SHC4: variants seen among roughly 807,000 people sequenced by gnomAD.
The protein encoded by SHC4 is SHC adaptor protein 4.
A neutral mutation model predicts 69.4 loss-of-function variants in SHC4; 41 were observed. That is an observed-to-expected ratio of 0.59 (90% confidence interval 0.46 to 0.77). The LOEUF is 0.77. Ranked by LOEUF, SHC4 falls within the 30% of genes least tolerant of loss-of-function variation. The pLI, the probability that SHC4 is intolerant of heterozygous loss-of-function variation, is 0.00. For synonymous variants in SHC4, 318 were observed against 299.3 expected (o/e 1.06, Z -0.64); for missense variants, 777 against 783.8 (o/e 0.99, Z 0.10).
intron 1 of SHC4, chr15:48,946,691 C>T (rs1295935619): frequency 1.5e-5 from 10 of 645,846 alleles, no homozygotes; most frequent in Non-Finnish European, 1.5e-5. Context: ...CTCTGGGCAA[C>T]GCATTTGGAA....
chr15:48,939,554 C>A (rs1901137147), intron 1 of SHC4, among the ~76,000 whole-genome samples: 1 of 152,216 alleles, frequency 6.6e-6, no homozygotes, highest in Non-Finnish European at 1.5e-5. Context: ...AGGGCAGAAG[C>A]TGGTTCTCAT....
At chr15:48,916,310 CA>C (rs1900620880) in intron 2 of SHC4, among the ~76,000 whole-genome samples, 6 of 147,076 alleles carry the variant, frequency 4.1e-5, no homozygotes, top group Non-Finnish European at 7.5e-5. Context: ...CACACACACA[CA>C]CACACACCCA....
intron 10 of SHC4, among the ~76,000 whole-genome samples, chr15:48,840,267 T>G (rs574347073): frequency 6.6e-6 from 1 of 152,200 alleles, no homozygotes; most frequent in African/African-American, 2.4e-5. Flanking sequence ...GTATTTGTTA[T>G]GGCAACTGAG....
chr15:48,895,211 C>G (rs545377250), intron 2 of SHC4, among the ~76,000 whole-genome samples: 1 of 152,144 alleles, frequency 6.6e-6, no homozygotes, highest in South Asian at 2.1e-4. Context: ...TGGACTTTAC[C>G]CTCATTTTAC....
At chr15:48,959,767 G>A (rs1424926565) in intron 1 of SHC4, among the ~76,000 whole-genome samples, 1 of 152,170 alleles carries the variant, frequency 6.6e-6, no homozygotes, top group East Asian at 1.9e-4. Flanking sequence ...TAATAGCTTA[G>A]CATTTCATTT....
At chr15:48,962,390 C>T (rs1901558220) in intron 1 of SHC4, 41 bp downstream of exon 1, 3 of 1,506,666 alleles carry the variant, frequency 2.0e-6, no homozygotes, top group Admixed American at 2.3e-5. Context: ...ATGCCCCCTT[C>T]CACGGAAGTT....
Position 48,884,344 on chromosome 15 carries a change from T to G in SHC4, c.744A>C (p.Thr248=). The G allele has an allele frequency of 6.2e-7, 1 of 1,607,326 alleles. No individual in the cohort carries two copies. The highest frequency in any genetic ancestry group is 8.5e-7 in the Non-Finnish European group (1 of 1,177,910). The part of the protein sequence containing the change: ...KRKPPVKFLS[T]VLGKSNLQFS... ...ACTGAAGATTACTTTTGCCAAGGAC[T>G]GTTGATAGGAACTTAACTGGAGGCT... Residue 248 remains threonine (T), a synonymous_variant, in exon 4 of 12, where the codon ACA becomes ACC. Coordinates refer to ENST00000332408, the MANE Select transcript of SHC4 (RefSeq NM_203349.4).
chr15:48,847,777 C>A (rs1307586346), intron 9 of SHC4, among the ~76,000 whole-genome samples: 1 of 151,980 alleles, frequency 6.6e-6, no homozygotes, highest in African/African-American at 2.4e-5. Flanking sequence ...CCAAGGCGGG[C>A]AGATCACCTA....
chr15:48,878,094 C>G (rs1440605643), intron 4 of SHC4: 3 of 1,495,084 alleles, frequency 2.0e-6, no homozygotes, highest in Non-Finnish European at 2.7e-6. Context: ...AAGCGCGCAG[C>G]CTTTGCGCAC....
intron 1 of SHC4, among the ~76,000 whole-genome samples, chr15:48,954,224 C>G (rs1401034639): frequency 6.6e-6 from 1 of 152,194 alleles, no homozygotes; most frequent in South Asian, 2.1e-4. Context: ...ATTCACCTCC[C>G]CTCCCAGCTA....
At chr15:48,847,740 C>T (rs771563210) in intron 9 of SHC4, among the ~76,000 whole-genome samples, 13 of 151,996 alleles carry the variant, frequency 8.6e-5, no homozygotes, top group Non-Finnish European at 1.3e-4. Context: ...TGGTGGGTCA[C>T]GCCTGTAATC....
chr15:48,908,463 T>C (rs1306752767), intron 2 of SHC4, among the ~76,000 whole-genome samples: 1 of 152,224 alleles, frequency 6.6e-6, no homozygotes, highest in Non-Finnish European at 1.5e-5. Context: ...CTTTGTCAGA[T>C]GTATAGATTG....
intron 4 of SHC4, among the ~76,000 whole-genome samples, chr15:48,876,381 T>C (rs535740010): frequency 2.6e-5 from 4 of 152,280 alleles, no homozygotes; most frequent in African/African-American, 9.6e-5. Context: ...CAAAATATTT[T>C]GAGCATTACT....
intron 1 of SHC4, among the ~76,000 whole-genome samples, chr15:48,953,699 T>C (rs1567078239): frequency 6.6e-6 from 1 of 152,206 alleles, no homozygotes; most frequent in Non-Finnish European, 1.5e-5. Flanking sequence ...TAAAATCTCA[T>C]ATTTCCATTT....
intron 9 of SHC4, among the ~76,000 whole-genome samples, chr15:48,848,010 AAAAAAAAC>A (rs1354987925): frequency 1.6e-4 from 25 of 151,524 alleles, no homozygotes; most frequent in Non-Finnish European, 3.2e-4. Context: ...CTAAAAAAAA[AAAAAAAAC>A]AAAAAAAACA....
At chr15:48,877,229 T>C in intron 4 of SHC4, 1 of 177,058 alleles carries the variant, frequency 5.6e-6, no homozygotes, top group Non-Finnish European at 1.1e-5. Context: ...ACCTCGGGTG[T>C]CACTGTGTCT....
chr15:48,830,117 C>T (rs1898769951), intron 11 of SHC4, among the ~76,000 whole-genome samples: 1 of 152,034 alleles, frequency 6.6e-6, no homozygotes, highest in South Asian at 2.1e-4. Context: ...GGTCCTGTTT[C>T]TCCTTTCTTG....
At position 48,867,888 on chromosome 15, in the gene SHC4, G is replaced by T. The variant is rs1899594760; in HGVS notation, c.895-19C>A. The T allele has an allele frequency of 1.2e-6, 2 of 1,602,568 alleles. No homozygotes were observed. Among genetic ancestry groups the T allele is most frequent in the South Asian group, 1.1e-5 (1 of 90,428 alleles). On this transcript the variant is annotated intron_variant, in intron 5 of 11. Transcript: ENST00000332408. ...TAGTATCCTATAAAAAAGGGAAAAT[G>T]ACTGTATTTAAAATGGATGAACTGT...
chr15:48,841,986 C>G (rs1899000643), intron 10 of SHC4, among the ~76,000 whole-genome samples: 1 of 152,238 alleles, frequency 6.6e-6, no homozygotes, highest in Admixed American at 6.5e-5. Context: ...TTTGGCAGTT[C>G]TGGAGAAATC....
Sources: allele counts gnomAD v4.1 joint callset (sites outside exome capture counted in the v4.1 genomes callset), GRCh38; gene constraint gnomAD v4.1.1; transcripts MANE v1.5; gene names NCBI Gene and HGNC (gene_info 2026-07-23, HGNC 2026-07-21).